The following NLRC4 variants were observed in gnomAD, a reference collection of about 807,000 sequenced individuals.
The protein encoded by NLRC4 is NLR family CARD domain containing 4.
Under a neutral mutation model 79.9 loss-of-function variants are expected in NLRC4, and 63 were observed. The ratio of observed to expected loss-of-function variants is 0.79; its 90% CI spans 0.64 to 0.97. The LOEUF (loss-of-function observed/expected upper bound fraction) is 0.97, where lower values mean the gene tolerates loss of function less well. Among genes scored for constraint, NLRC4 ranks in the 50% least tolerant of loss-of-function variants. The pLI, the probability that NLRC4 is intolerant of heterozygous loss-of-function variation, is 0.00. For missense variants in NLRC4, 1,074 were observed against 1,215.2 expected, an observed-to-expected ratio of 0.88 and a Z score of 1.73; for synonymous variants, 461 against 456.5, an observed-to-expected ratio of 1.01 and a Z score of -0.12.
At chr2:32,256,156 A>G (rs1370715775) in intron 2 of NLRC4, among the ~76,000 whole-genome samples, 1 of 152,098 alleles carries the variant, frequency 6.6e-6, no homozygotes, top group Non-Finnish European at 1.5e-5. Context: ...TCATTTATTC[A>G]TTAATTATTC....
chr2:32,258,262 T>G (rs910697303), intron 1 of NLRC4, among the ~76,000 whole-genome samples: 2 of 152,174 alleles, frequency 1.3e-5, no homozygotes, highest in African/African-American at 4.8e-5. Context: ...CCCTTCAACG[T>G]CCTCTGGACG....
chr2:32,228,774 T>TG (rs1481780431), intron 8 of NLRC4, among the ~76,000 whole-genome samples: 2 of 152,014 alleles, frequency 1.3e-5, no homozygotes, highest in Non-Finnish European at 1.5e-5. Context: ...TGGCTTTTTT[T>TG]TTTTCTTTTT....
In NLRC4 at chr2:32,261,316, C is replaced by CTTTTTTTTT. The variant is rs751434892; in HGVS notation, c.-119+3421_-119+3422insAAAAAAAAA. ...TTCTTTCGCCTATTAAGCCTCCCCC[C>CTTTTTTTTT]TTTTGTTTTTTTTTGAGATGGAGCC... On this transcript the variant is annotated intron_variant, in intron 1 of 8. Coordinates refer to ENST00000402280, the MANE Select transcript of NLRC4 (RefSeq NM_001199138.2). 1.2e-3 allele frequency among the ~76,000 whole-genome samples: 118 copies of CTTTTTTTTT among 96,808 alleles called. 8 individuals carry two copies. The highest frequency in any genetic ancestry group is 1.9e-3 in the South Asian group (6 of 3,192). The allele number at this position is 96,808 out of a possible 152,430, so 63.5% of individuals were successfully genotyped here.
chr2:32,257,284 T>A (rs1024938608), intron 1 of NLRC4, among the ~76,000 whole-genome samples: 6 of 152,172 alleles, frequency 3.9e-5, no homozygotes, highest in Non-Finnish European at 7.3e-5. Flanking sequence ...GAAGTTTTCA[T>A]GGAGGAGACA....
At position 32,250,055 on chromosome 2, in the gene NLRC4, G is replaced by A. The variant is rs977003369; in HGVS notation, c.1809C>T (p.Pro603=). The part of the protein sequence containing the change: ...DYLFDFFEHL[P]NCASALDFIK... ...TGAAGTCCAGGGCACTTGCACAATT[G>A]GGCAAATGTTCAAAGAAGTCAAATA... The change falls in exon 4 of 9, where the codon CCC becomes CCT. Residue 603 remains proline (P), a synonymous_variant. Transcript: ENST00000402280. The surrounding 1 kb of genome is among the most constrained non-coding windows in gnomAD (Gnocchi z 4.9). 1 of 1,614,042 alleles carries A rather than the reference G, an allele frequency of 6.2e-7. No homozygotes were observed. The highest frequency in any genetic ancestry group is 1.7e-5 in the Admixed American group (1 of 60,002).
chr2:32,260,213 CA>C (rs1197388989), intron 1 of NLRC4, among the ~76,000 whole-genome samples: 7,001 of 74,982 alleles, frequency 0.093, 64 homozygotes, highest in Middle Eastern at 0.15. Context: ...TGGGCAACGA[CA>C]AAAAAAAAAA....
intron 8 of NLRC4, among the ~76,000 whole-genome samples, chr2:32,233,190 AAGGAAGGG>A (rs1319680471): frequency 6.8e-4 from 35 of 51,748 alleles, no homozygotes; most frequent in Non-Finnish European, 1.1e-3. Flanking sequence ...GGAAGGAAGG[AAGGAAGGG>A]AGGGAGGGAA....
At chr2:32,265,190 C>CT (rs1039192309), upstream of NLRC4, among the ~76,000 whole-genome samples, 6 of 150,762 alleles carry the variant, frequency 4.0e-5, no homozygotes, top group South Asian at 2.1e-4. Context: ...TTTCTTTTTT[C>CT]TTTTTTTTGA....
chr2:32,248,767 A>AG (rs1185004389), intron 4 of NLRC4, among the ~76,000 whole-genome samples: 5 of 146,680 alleles, frequency 3.4e-5, no homozygotes, highest in South Asian at 2.1e-4. Flanking sequence ...CCCAACCTCG[A>AG]AAAAAAAAAA....
chr2:32,234,153 A>C (rs1043910002), intron 8 of NLRC4, among the ~76,000 whole-genome samples: 11 of 152,152 alleles, frequency 7.2e-5, no homozygotes, highest in African/African-American at 2.4e-4. Context: ...AGGCCAGGGC[A>C]GGCGGATCAC....
chr2:32,264,528 T>G (rs1189336149), intron 1 of NLRC4, among the ~76,000 whole-genome samples: 1 of 151,130 alleles, frequency 6.6e-6, no homozygotes, highest in Non-Finnish European at 1.5e-5. Flanking sequence ...AAGGGGTACA[T>G]GTACCCCTTG....
At chr2:32,247,120 T>G (rs1401705931) in intron 4 of NLRC4, among the ~76,000 whole-genome samples, 1 of 152,104 alleles carries the variant, frequency 6.6e-6, no homozygotes, top group Non-Finnish European at 1.5e-5. Flanking sequence ...ATTTCCCAGA[T>G]GAGAATCTTG....
intron 2 of NLRC4, 51 bp from the exon 3 acceptor site, chr2:32,252,730 C>G (rs1272821079): frequency 6.5e-7 from 1 of 1,542,494 alleles, no homozygotes; most frequent in South Asian, 1.2e-5. Context: ...ATAAAATGTG[C>G]ATATCCGGCT....
At position 32,263,683 on chromosome 2, in the gene NLRC4, C is replaced by T. The variant is rs147447893; in HGVS notation, c.-119+1055G>A. ...AGAGAGAAAAGGCCAAGGAGGGAGG[C>T]GTGGGGAGAAGCCAACCCTGCTGAC... On this transcript the variant is annotated intron_variant, in intron 1 of 8. Coordinates refer to ENST00000402280, the MANE Select transcript of NLRC4 (RefSeq NM_001199138.2). Among the ~76,000 whole-genome samples, 678 of 152,248 alleles carry T rather than the reference C, an allele frequency of 4.5e-3. 11 individuals are homozygous for T. Among genetic ancestry groups the T allele is most frequent in the African/African-American group, 0.016 (660 of 41,546 alleles).
rs1687108406 is a variant in NLRC4, at chr2:32,252,695, G to A, written c.2-16C>T. The A allele has an allele frequency of 2.5e-6, 4 of 1,604,754 alleles. No individual in the cohort carries two copies. The highest frequency in any genetic ancestry group is 3.4e-6 in the Non-Finnish European group (4 of 1,172,242). On this transcript the variant is annotated splice_polypyrimidine_tract_variant and intron_variant, in intron 2 of 8. Coordinates refer to ENST00000402280, the MANE Select transcript of NLRC4 (RefSeq NM_001199138.2). The stretch of plus-strand genomic sequence containing the variant: ...ATGAAATTCACTGAGGAGATGGGGA[G>A]AAATATACATATTTATTTACTTATA...
rs146226524 is a variant in NLRC4 at position 32,258,324 on chromosome 2, G to A, written c.-118-1431C>T. ...GATGTGTTCCTCTCGACGTCCAGCC[G>A]CTTGTGTGTCTGCCTGCAAGGGTCT... is the stretch of plus-strand genomic sequence containing the variant. On this transcript the variant is annotated intron_variant, in intron 1 of 8. Coordinates refer to ENST00000402280, the MANE Select transcript of NLRC4 (RefSeq NM_001199138.2). 1.1e-4 allele frequency among the ~76,000 whole-genome samples: 16 copies of A among 152,268 alleles called. No individual in the cohort carries two copies. The South Asian group carries it at 2.1e-3, about 20-fold the overall frequency.
At chr2:32,255,012 T>C (rs1687172634) in intron 2 of NLRC4, among the ~76,000 whole-genome samples, 1 of 151,672 alleles carries the variant, frequency 6.6e-6, no homozygotes, top group South Asian at 2.1e-4. Context: ...GCACCATCAA[T>C]CACTCCAAGC....
intron 4 of NLRC4, among the ~76,000 whole-genome samples, chr2:32,243,492 G>T (rs1287266794): frequency 6.6e-6 from 1 of 151,406 alleles, no homozygotes; most frequent in Non-Finnish European, 1.5e-5. Context: ...ATAGAAAATG[G>T]AATTCAGTCA....
intron 8 of NLRC4, among the ~76,000 whole-genome samples, chr2:32,225,249 TTTTG>T (rs1279859805): frequency 6.6e-6 from 1 of 152,102 alleles, no homozygotes; most frequent in Non-Finnish European, 1.5e-5. Context: ...ATTTGGGTGT[TTTTG>T]TTTACCTGTT....
Sources: allele counts gnomAD v4.1 joint callset (sites outside exome capture counted in the v4.1 genomes callset), GRCh38; gene constraint gnomAD v4.1.1; non-coding constraint Gnocchi (gnomAD v3.1); transcripts MANE v1.5; gene names NCBI Gene and HGNC (gene_info 2026-07-23, HGNC 2026-07-21).